SSX2IP: variants seen among roughly 807,000 people sequenced by gnomAD.
The protein encoded by SSX2IP is afadin- and alpha-actinin-binding protein.
A neutral mutation model predicts 84.9 loss-of-function variants in SSX2IP; 55 were observed. The observed-to-expected ratio is 0.65, with a 90% CI of 0.52 to 0.81. SSX2IP has a LOEUF of 0.81. Ranked by LOEUF, SSX2IP falls within the 30% of genes least tolerant of loss-of-function variation. The pLI, the probability that SSX2IP is intolerant of heterozygous loss-of-function variation, is 0.00. For synonymous variants in SSX2IP, 239 were observed against 234.7 expected (o/e 1.02, Z -0.17); for missense variants, 664 against 705.2 (o/e 0.94, Z 0.66).
At chr1:84,661,843 T>C (rs1652025777) in intron 8 of SSX2IP, among the ~76,000 whole-genome samples, 1 of 152,180 alleles carries the variant, frequency 6.6e-6, no homozygotes, top group Non-Finnish European at 1.5e-5. Context: ...ATGCCTTAGT[T>C]TCCTTATCTA....
chr1:84,673,183 CAG>C (rs1236429671), intron 1 of SSX2IP, among the ~76,000 whole-genome samples: 2 of 152,070 alleles, frequency 1.3e-5, no homozygotes, highest in African/African-American at 4.8e-5. Context: ...AACAACTTAA[CAG>C]AGTGATAACT....
At chr1:84,690,724 C>CGCTGCGGGCGCAGCTGCG (rs1553136907), upstream of SSX2IP, 18 of 151,902 alleles carry the variant, frequency 1.2e-4, no homozygotes, top group South Asian at 4.1e-4. Context: ...GGTCCGCGCG[C>CGCTGCGGGCGCAGCTGCG]GCTGCGGGCG....
In SSX2IP at chr1:84,662,512, T is replaced by G; in HGVS notation, c.692A>C (p.Tyr231Ser). 1 of 1,613,982 alleles carries G rather than the reference T, an allele frequency of 6.2e-7. No individual in the cohort carries two copies. Among genetic ancestry groups the G allele is most frequent in the Non-Finnish European group, 8.5e-7 (1 of 1,179,908 alleles). Reference sequence around the variant, plus strand: ...TCTTTTTCCATCAGCTCTCCCGACATAATTCAAAATGTCCATAGCTACAAA... The same window carrying G: ...TCTTTTTCCATCAGCTCTCCCGACAGAATTCAAAATGTCCATAGCTACAAA... ...DKKIAMDILN[Y>S]VGRADGKRGS... Residue 231 changes from tyrosine (Y) to serine (S), a missense_variant, in exon 7 of 14, where the codon TAT (tyrosine) becomes TCT (serine). Tyr to Ser is a moderately radical substitution (Grantham distance 144, BLOSUM62 -2). Coordinates refer to ENST00000342203, the MANE Select transcript of SSX2IP (RefSeq NM_001166293.2).
intron 8 of SSX2IP, among the ~76,000 whole-genome samples, chr1:84,661,088 A>T (rs1234443708): frequency 6.9e-6 from 1 of 144,894 alleles, no homozygotes; most frequent in Non-Finnish European, 1.5e-5. Flanking sequence ...AAAAAAAAAA[A>T]ATTTAGGTAA....
chr1:84,677,502 T>C (rs564816441), intron 1 of SSX2IP, among the ~76,000 whole-genome samples: 1 of 152,264 alleles, frequency 6.6e-6, no homozygotes, highest in East Asian at 1.9e-4. Flanking sequence ...GGCTCTCAGT[T>C]ATTTCTGCCT....
At position 84,670,245 on chromosome 1, in the gene SSX2IP, A is replaced by G. The variant is rs1335000361; in HGVS notation, c.214-352T>C. 3 of 176,424 alleles carry G rather than the reference A, an allele frequency of 1.7e-5. No homozygotes were observed. The East Asian group carries it at 4.6e-4, about 27-fold the overall frequency. The allele number at this position is 176,424 out of a possible 1,614,324, so 10.9% of individuals were successfully genotyped here. On this transcript the variant is annotated intron_variant, in intron 3 of 13. Coordinates refer to ENST00000342203, the MANE Select transcript of SSX2IP (RefSeq NM_001166293.2). ...GCAACTTAGTAAAAAAAAAATCAAA[A>G]GATAGAAATCTTTTCTTAGAAAAAT...
intron 13 of SSX2IP, among the ~76,000 whole-genome samples, chr1:84,647,970 C>A (rs1209701411): frequency 1.3e-5 from 2 of 151,912 alleles, no homozygotes; most frequent in Non-Finnish European, 2.9e-5. Context: ...AATTTATTTA[C>A]CAATACTTAT....
At chr1:84,664,006 A>C (rs1212654924) in intron 6 of SSX2IP, among the ~76,000 whole-genome samples, 6 of 152,178 alleles carry the variant, frequency 3.9e-5, no homozygotes, top group Non-Finnish European at 8.8e-5. Flanking sequence ...GTACAGCTAA[A>C]CTTATTTAAA....
At position 84,671,180 on chromosome 1, in the gene SSX2IP, A is replaced by C. The variant is rs765237645; in HGVS notation, c.40T>G (p.Ser14Ala). The C allele has an allele frequency of 5.0e-5, 81 of 1,610,708 alleles. 1 individual carries two copies. In the South Asian group the frequency reaches 8.5e-4, roughly 17 times the overall value. Residue 14 changes from serine (S) to alanine (A), a missense_variant, in exon 2 of 14, where the codon TCA (serine) becomes GCA (alanine). Transcript: ENST00000342203. Reference sequence around the variant, plus strand: ...ACAATTATTTAGACTTAATTACCTGAAGACAGACCTGGATCTGTAACAGTC... The same window carrying C: ...ACAATTATTTAGACTTAATTACCTGCAGACAGACCTGGATCTGTAACAGTC... The part of the protein sequence containing the change: ...WMTVTDPGLS[S>A]ESKTISQYTS...
intron 13 of SSX2IP, chr1:84,649,868 G>C: frequency 2.0e-6 from 1 of 504,516 alleles, no homozygotes; most frequent in Admixed American, 2.1e-5. Flanking sequence ...CCAGGGTGGA[G>C]AGCCATGTTT....
intron 4 of SSX2IP, among the ~76,000 whole-genome samples, chr1:84,667,852 G>A (rs1008387428): frequency 2.0e-5 from 3 of 151,914 alleles, no homozygotes; most frequent in African/African-American, 4.8e-5. Context: ...CTTCCCTTGC[G>A]TCCTACCCCA....
chr1:84,683,530 A>G (rs1294660174), intron 1 of SSX2IP, among the ~76,000 whole-genome samples: 1 of 152,212 alleles, frequency 6.6e-6, no homozygotes, highest in Non-Finnish European at 1.5e-5. Flanking sequence ...ATTACAGCAC[A>G]GATCTAACAG....
Position 84,670,752 on chromosome 1 carries a change from T to C in SSX2IP, c.107A>G (p.Gln36Arg). Residue 36 changes from glutamine to arginine, a missense_variant, in exon 3 of 14, where the codon CAG (glutamine) becomes CGG (arginine). Physicochemically the swap from Gln to Arg is conservative, Grantham distance 43. Transcript: ENST00000342203. ...TKMSPSSLYS[Q>R]QVLCSSIPLS... Reference sequence around the variant, plus strand: ...AGGTATTGAAGAACATAGCACTTGCTGTGAGTATAAACTTGATGGAGACAT... The same window carrying C: ...AGGTATTGAAGAACATAGCACTTGCCGTGAGTATAAACTTGATGGAGACAT... The C allele has an allele frequency of 6.2e-7, 1 of 1,613,256 alleles. No homozygotes were observed.
chr1:84,675,245 A>G (rs1654161768), intron 1 of SSX2IP, among the ~76,000 whole-genome samples: 1 of 152,244 alleles, frequency 6.6e-6, no homozygotes, highest in Non-Finnish European at 1.5e-5. Context: ...TATAGTGGAC[A>G]TGATTATTCC....
At chr1:84,681,223 C>A (rs1184420564) in intron 1 of SSX2IP, among the ~76,000 whole-genome samples, 2 of 152,062 alleles carry the variant, frequency 1.3e-5, no homozygotes, top group Non-Finnish European at 2.9e-5. Flanking sequence ...TATAAGAGAG[C>A]AAGCATAATA....
intron 1 of SSX2IP, 132 bp downstream of exon 1, chr1:84,690,239 C>G (rs1051585642): frequency 6.6e-5 from 10 of 152,050 alleles, no homozygotes; most frequent in Non-Finnish European, 1.5e-4. Flanking sequence ...AGCCTCCCGC[C>G]GAACAACGGG....
chr1:84,660,759 C>T (rs1322920201), intron 8 of SSX2IP, among the ~76,000 whole-genome samples: 1 of 150,650 alleles, frequency 6.6e-6, no homozygotes, highest in Non-Finnish European at 1.5e-5. Flanking sequence ...GAGCAAAACT[C>T]TCTCTCAAAA....
In SSX2IP at chr1:84,666,254, T is replaced by C. The variant is rs182444356; in HGVS notation, c.427-22A>G. The C allele has an allele frequency of 4.8e-4, 757 of 1,573,240 alleles. 6 individuals are homozygous for C. The highest frequency in any genetic ancestry group is 5.8e-4 in the East Asian group (26 of 44,532). ...GTTCCTAAAACATTTATAAGCAATT[T>C]TGCTTAAAATTAATAAAGGATTTAG... is the stretch of plus-strand genomic sequence containing the variant. On this transcript the variant is annotated intron_variant, in intron 4 of 13. Transcript: ENST00000342203.
intron 1 of SSX2IP, among the ~76,000 whole-genome samples, chr1:84,688,293 A>T (rs1339661655): frequency 2.0e-5 from 3 of 152,196 alleles, no homozygotes; most frequent in Non-Finnish European, 2.9e-5. Flanking sequence ...AGCTAACCAT[A>T]TCACCATTAC....
Sources: allele counts gnomAD v4.1 joint callset (sites outside exome capture counted in the v4.1 genomes callset), GRCh38; gene constraint gnomAD v4.1.1; transcripts MANE v1.5; gene names NCBI Gene and HGNC (gene_info 2026-07-23, HGNC 2026-07-21).